CPXM2: variants seen among roughly 807,000 people sequenced by gnomAD.
The protein encoded by CPXM2 is inactive carboxypeptidase-like protein X2.
In CPXM2, 66 loss-of-function variants were observed where a neutral mutation model predicts 86.1. That is an observed-to-expected ratio of 0.77 (90% CI 0.63 to 0.94). CPXM2 has a LOEUF of 0.94. CPXM2 is among the 40% of genes least tolerant of loss of function. CPXM2 has a pLI of 0.00. For synonymous variants in CPXM2, 388 were observed against 400.2 expected (o/e 0.97, Z 0.36); for missense variants, 948 against 1,026.3 (o/e 0.92, Z 1.04).
At chr10:123,923,356 G>T (rs534335548) in intron 2 of CPXM2, among the ~76,000 whole-genome samples, 2 of 151,780 alleles carry the variant, frequency 1.3e-5, no homozygotes, top group African/African-American at 2.4e-5. Context: ...CGAGGCGGGC[G>T]GATCACGAGG....
intron 6 of CPXM2, among the ~76,000 whole-genome samples, chr10:123,792,251 G>A: frequency 6.6e-6 from 1 of 152,130 alleles, no homozygotes; most frequent in East Asian, 1.9e-4. Context: ...GGAGGAAGAA[G>A]GGGAAATTGG....
At chr10:123,764,185 T>C (rs1846416528) in intron 10 of CPXM2, among the ~76,000 whole-genome samples, 1 of 152,202 alleles carries the variant, frequency 6.6e-6, no homozygotes, top group Admixed American at 6.5e-5. Flanking sequence ...TTCTCAGTTA[T>C]ATAATTTATA....
Position 123,801,725 on chromosome 10 carries a change from G to A in CPXM2, c.654-2526C>T, listed in dbSNP as rs372995607. Among the ~76,000 whole-genome samples the A allele has an allele frequency of 4.7e-4, 72 of 152,122 alleles. 1 individual carries two copies. The highest frequency in any genetic ancestry group is 7.2e-4 in the African/African-American group (30 of 41,508). On this transcript the variant is annotated intron_variant, in intron 4 of 13. Coordinates refer to ENST00000241305, the MANE Select transcript of CPXM2 (RefSeq NM_198148.3). ...TAACAAAATCCCCATCACGTTCTACGAGACCCTTGCTTGCCTTGCGTTCTC... is the reference window on the plus strand; with the variant it reads ...TAACAAAATCCCCATCACGTTCTACAAGACCCTTGCTTGCCTTGCGTTCTC...
At chr10:123,876,137 G>A (rs916644009) in intron 2 of CPXM2, among the ~76,000 whole-genome samples, 5 of 152,058 alleles carry the variant, frequency 3.3e-5, no homozygotes, top group African/African-American at 1.2e-4. Flanking sequence ...CTTTCCTACA[G>A]ATCTTGCTCT....
At chr10:123,756,393 C>T (rs937955342) in intron 12 of CPXM2, among the ~76,000 whole-genome samples, 5 of 152,166 alleles carry the variant, frequency 3.3e-5, no homozygotes, top group African/African-American at 1.2e-4. Flanking sequence ...ATGGATGTGT[C>T]CTTGACAGCC....
intron 2 of CPXM2, among the ~76,000 whole-genome samples, chr10:123,897,049 C>T (rs1945343523): frequency 6.6e-6 from 1 of 151,080 alleles, no homozygotes; most frequent in Non-Finnish European, 1.5e-5. Context: ...CCCCTTCCCC[C>T]ACCCCCACCC....
upstream of CPXM2, among the ~76,000 whole-genome samples, chr10:123,893,483 G>T (rs1945305800): frequency 1.3e-5 from 2 of 152,212 alleles, no homozygotes; most frequent in African/African-American, 2.4e-5. Flanking sequence ...AATGACCAGA[G>T]GGAGAGGAGG....
chr10:123,941,743 C>T (rs1164523741), upstream of CPXM2, among the ~76,000 whole-genome samples: 1 of 152,216 alleles, frequency 6.6e-6, no homozygotes, highest in African/African-American at 2.4e-5. Context: ...CCTCCTCTGC[C>T]TTTGGGGGTG....
At chr10:123,783,984 T>A (rs1589994508) in intron 6 of CPXM2, among the ~76,000 whole-genome samples, 1 of 152,336 alleles carries the variant, frequency 6.6e-6, no homozygotes, top group East Asian at 1.9e-4. Context: ...TTCTGCTCTG[T>A]CCAAATTGGT....
chr10:123,868,408 C>T (rs754061957), intron 2 of CPXM2, among the ~76,000 whole-genome samples: 2 of 152,184 alleles, frequency 1.3e-5, no homozygotes, highest in Non-Finnish European at 2.9e-5. Flanking sequence ...AGGAAACCTC[C>T]ATGTCTTCAA....
At chr10:123,884,690 CA>C (rs1945152476) in intron 1 of CPXM2, among the ~76,000 whole-genome samples, 1 of 152,214 alleles carries the variant, frequency 6.6e-6, no homozygotes, top group Non-Finnish European at 1.5e-5. Context: ...ATCAATCAAA[CA>C]ATCCATCAAA....
chr10:123,853,243 T>C (rs1376099799), intron 3 of CPXM2, among the ~76,000 whole-genome samples: 3 of 152,196 alleles, frequency 2.0e-5, no homozygotes, highest in Admixed American at 1.3e-4. Flanking sequence ...GAAGCCACAA[T>C]GTTTCCTGTA....
chr10:123,899,791 A>T (rs1329373548), intron 2 of CPXM2, among the ~76,000 whole-genome samples: 1 of 152,226 alleles, frequency 6.6e-6, no homozygotes, highest in African/African-American at 2.4e-5. Context: ...CAAATGGATT[A>T]AAAAACTAAA....
intron 13 of CPXM2, chr10:123,752,608 A>T: frequency 1.0e-6 from 1 of 985,322 alleles, no homozygotes; most frequent in Middle Eastern, 5.2e-4. Flanking sequence ...GTGGAATGGG[A>T]TCTTTTGTTG....
chr10:123,817,719 C>T (rs778819649), intron 4 of CPXM2, among the ~76,000 whole-genome samples: 4 of 152,184 alleles, frequency 2.6e-5, no homozygotes, highest in Non-Finnish European at 5.9e-5. Context: ...CAGACTGCAT[C>T]GATAGCCTCA....
intron 2 of CPXM2, among the ~76,000 whole-genome samples, chr10:123,927,321 C>A (rs1022808399): frequency 6.6e-6 from 1 of 152,178 alleles, no homozygotes; most frequent in African/African-American, 2.4e-5. Flanking sequence ...TGTTCTCATC[C>A]ATAAAGTGGG....
chr10:123,807,627 C>A (rs776686634), intron 4 of CPXM2, among the ~76,000 whole-genome samples: 6 of 152,094 alleles, frequency 3.9e-5, no homozygotes, highest in Non-Finnish European at 7.4e-5. Context: ...ACAAGTACAG[C>A]AAGTCGTGGG....
At chr10:123,843,487 G>T (rs951873900) in intron 3 of CPXM2, among the ~76,000 whole-genome samples, 2 of 136,602 alleles carry the variant, frequency 1.5e-5, no homozygotes, top group African/African-American at 5.6e-5. Flanking sequence ...AGGCTGGAGT[G>T]CAGTGGCGCC....
At chr10:123,887,509 C>G (rs1945197531) in intron 1 of CPXM2, among the ~76,000 whole-genome samples, 2 of 152,034 alleles carry the variant, frequency 1.3e-5, no homozygotes, top group African/African-American at 4.8e-5. Context: ...CACTGTCAAC[C>G]TCCTCATTTT....
Sources: allele counts gnomAD v4.1 joint callset (sites outside exome capture counted in the v4.1 genomes callset), GRCh38; gene constraint gnomAD v4.1.1; transcripts MANE v1.5; gene names NCBI Gene and HGNC (gene_info 2026-07-23, HGNC 2026-07-21).